CYP27C1: variants seen among roughly 807,000 people sequenced by gnomAD.
CYP27C1 encodes the protein cytochrome P450 27C1.
CYP27C1 carries 29 observed loss-of-function variants against 40.6 expected under a neutral mutation model. That is an observed-to-expected ratio of 0.71 (90% CI 0.53 to 0.97). CYP27C1 has a LOEUF of 0.97. Among genes scored for constraint, CYP27C1 ranks in the 50% least tolerant of loss-of-function variants. The pLI is 0.00. For missense variants in CYP27C1, 390 were observed against 485.8 expected (o/e 0.80, Z 1.85); for synonymous variants, 198 against 186.8 (o/e 1.06, Z -0.49).
At chr2:127,192,819 C>T (rs1391122877) in intron 8 of CYP27C1, among the ~76,000 whole-genome samples, 1 of 62,160 alleles carries the variant, frequency 1.6e-5, no homozygotes, top group South Asian at 3.6e-4. Context: ...TCATGCAGAG[C>T]TCTTATTTTT....
intron 1 of CYP27C1, among the ~76,000 whole-genome samples, chr2:127,214,913 G>T (rs1338582276): frequency 6.6e-6 from 1 of 150,518 alleles, no homozygotes; most frequent in East Asian, 2.0e-4. Context: ...CAGATCACGA[G>T]GTCAGGAGAT....
chr2:127,193,086 C>A lies in CYP27C1; in HGVS notation c.1497+8G>T, dbSNP rs374495593. On this transcript the variant is annotated splice_region_variant and intron_variant, in intron 8 of 8. Coordinates refer to ENST00000664447, the MANE Select transcript of CYP27C1 (RefSeq NM_001367502.1). ...CCCAAAGGCCAACGTTTGGCCTCCACGCCCTACCTGGATCACGACGAGGTG... is the reference window on the plus strand; with the variant it reads ...CCCAAAGGCCAACGTTTGGCCTCCAAGCCCTACCTGGATCACGACGAGGTG... 14 of 1,613,842 alleles carry A rather than the reference C, an allele frequency of 8.7e-6. No homozygotes were observed. The highest frequency in any genetic ancestry group is 4.5e-5 in the East Asian group (2 of 44,890).
At chr2:127,193,421 C>T (rs4321325) in intron 7 of CYP27C1, 124 bp from the exon 8 acceptor site, 220,750 of 1,093,934 alleles carry the variant, frequency 0.2, 24,564 homozygotes, top group Middle Eastern at 0.29. Flanking sequence ...CCCGGGTCCA[C>T]TCACACCCAG....
At chr2:127,190,073 T>C (rs765227622) in intron 8 of CYP27C1, among the ~76,000 whole-genome samples, 41 of 152,228 alleles carry the variant, frequency 2.7e-4, no homozygotes, top group Non-Finnish European at 5.4e-4. Context: ...AGGTTCAGGA[T>C]AATTTAGGGG....
chr2:127,214,972 CA>C (rs542154090), intron 1 of CYP27C1, among the ~76,000 whole-genome samples: 1 of 151,300 alleles, frequency 6.6e-6, no homozygotes, highest in African/African-American at 2.4e-5. Flanking sequence ...ACTAAAAATA[CA>C]AAAAAATTAG....
Position 127,218,340 on chromosome 2 carries a change from G to A in CYP27C1, c.282+1649C>T, listed in dbSNP as rs1248106879. Among the ~76,000 whole-genome samples, 1 of 152,268 alleles carries A rather than the reference G, an allele frequency of 6.6e-6. No individual in the cohort carries two copies. Among genetic ancestry groups the A allele is most frequent in the East Asian group, 1.9e-4 (1 of 5,184 alleles). On this transcript the variant is annotated intron_variant, in intron 1 of 8. Transcript: ENST00000664447. This position sits in a 1 kb window ranked among gnomAD's most constrained non-coding sequence, Gnocchi z 6.0. ...AAATTAAATTACACTTCAGAAAGCA[G>A]GCTGTATTGAACCCATCAACAGCAA...
intron 8 of CYP27C1, among the ~76,000 whole-genome samples, chr2:127,190,880 G>A (rs1682755670): frequency 6.7e-6 from 1 of 149,282 alleles, no homozygotes; most frequent in African/African-American, 2.5e-5. Context: ...CCGGGAGACA[G>A]AGTTGCAGCG....
chr2:127,193,056 C>T (rs201707003), intron 8 of CYP27C1, 38 bp downstream of exon 8: 233 of 1,609,318 alleles, frequency 1.4e-4, no homozygotes, highest in Non-Finnish European at 5.4e-5. Flanking sequence ...TAGAAAGAGG[C>T]CGAACCCAAA....
intron 3 of CYP27C1, among the ~76,000 whole-genome samples, chr2:127,202,765 A>C (rs1454500838): frequency 6.6e-6 from 1 of 152,068 alleles, no homozygotes; most frequent in Non-Finnish European, 1.5e-5. Context: ...TGAACATGTA[A>C]ATTAGTAATT....
chr2:127,190,154 T>C (rs1481517076), intron 8 of CYP27C1, among the ~76,000 whole-genome samples: 4 of 152,168 alleles, frequency 2.6e-5, no homozygotes, highest in African/African-American at 7.2e-5. Context: ...TCTGTTCTCT[T>C]TCATTTGAGT....
In CYP27C1 at chr2:127,220,157, C is replaced by T. The variant is rs1433828448; in HGVS notation, c.114G>A (p.Pro38=). 6.7e-6 allele frequency: 1 copy of T among 149,578 alleles called. No homozygotes were observed. Among genetic ancestry groups the T allele is most frequent in the Non-Finnish European group, 1.5e-5 (1 of 67,192 alleles). The allele number at this position is 149,578 out of a possible 1,614,324, so 9.3% of individuals were successfully genotyped here. A position where few individuals can be genotyped will look rare whatever the true frequency, so the allele number is the denominator to read the frequency against. Reference sequence around the variant, plus strand: ...CTTTGTCCTCGGCCCGCGCCCCCGCCGGGAGCCGTGCGCCCGCGGGTTGAG... The same window carrying T: ...CTTTGTCCTCGGCCCGCGCCCCCGCTGGGAGCCGTGCGCCCGCGGGTTGAG... ...RRPQPAGARL[P]AGARAEDKGA... Residue 38 remains proline, a synonymous_variant, in exon 1 of 9, where the codon CCG becomes CCA. Transcript: ENST00000664447. The surrounding 1 kb of genome is among the most constrained non-coding windows in gnomAD (Gnocchi z 4.6).
intron 8 of CYP27C1, 91 bp downstream of exon 8, chr2:127,193,003 T>C: frequency 6.7e-7 from 1 of 1,498,498 alleles, no homozygotes; most frequent in Non-Finnish European, 9.0e-7. Context: ...TCCAAAACCG[T>C]CTTTGCTTTT....
chr2:127,200,465 C>A lies in CYP27C1; in HGVS notation c.883+657G>T, dbSNP rs11890243. Among the ~76,000 whole-genome samples the A allele has an allele frequency of 0.74, 112,221 of 152,132 alleles. 41,629 individuals carry two copies. The highest frequency in any genetic ancestry group is 0.91 in the East Asian group (4,726 of 5,186). ...CACCTTGGATTTGAACAAAAATTGT[C>A]ACATTCAAATGAATGTGCGTGGACC... On this transcript the variant is annotated intron_variant, in intron 4 of 8. Transcript: ENST00000664447. The surrounding 1 kb of genome is among the most constrained non-coding windows in gnomAD (Gnocchi z 4.2).
rs1005690864 is a variant in CYP27C1 at position 127,196,207 on chromosome 2, C to T, written c.1048-706G>A. Among the ~76,000 whole-genome samples, 4 of 151,966 alleles carry T rather than the reference C, an allele frequency of 2.6e-5. No individual in the cohort carries two copies. The highest frequency in any genetic ancestry group is 6.6e-5 in the Admixed American group (1 of 15,248). On this transcript the variant is annotated intron_variant, in intron 5 of 8. Transcript: ENST00000664447. This position sits in a 1 kb window ranked among gnomAD's most constrained non-coding sequence, Gnocchi z 4.5. ...CCTCCCGAGTAGCTGGGACTACAGG[C>T]GCTCACCACCACGCCCGGCTAATTT... is the stretch of plus-strand genomic sequence containing the variant.
intron 8 of CYP27C1, among the ~76,000 whole-genome samples, chr2:127,192,808 A>T (rs4997013): frequency 0.73 from 110,770 of 151,818 alleles, 40,707 homozygotes; most frequent in African/African-American, 0.82. Context: ...TTCAAAGGAT[A>T]TCATGCAGAG....
At chr2:127,199,333 G>T in intron 5 of CYP27C1, 43 bp downstream of exon 5, 1 of 1,604,176 alleles carries the variant, frequency 6.2e-7, no homozygotes. Flanking sequence ...TGAGGAAGGG[G>T]TTATCGTGTG....
intron 8 of CYP27C1, among the ~76,000 whole-genome samples, chr2:127,188,168 C>T (rs1245894746): frequency 6.6e-6 from 1 of 152,186 alleles, no homozygotes; most frequent in African/African-American, 2.4e-5. Flanking sequence ...GGCAGATGAG[C>T]TGGCAATACC....
rs556056154 is a variant in CYP27C1, at chr2:127,196,101, C to T, written c.1048-600G>A. On this transcript the variant is annotated intron_variant, in intron 5 of 8. Transcript: ENST00000664447. This position sits in a 1 kb window ranked among gnomAD's most constrained non-coding sequence, Gnocchi z 4.5. ...TTTTTGAGACGGAGTCTCGCTCTGT[C>T]GCCCAGGCTGGAATGCAGTGACGCG... 2.0e-5 allele frequency among the ~76,000 whole-genome samples: 3 copies of T among 151,538 alleles called. No homozygotes were observed. Among genetic ancestry groups the T allele is most frequent in the African/African-American group, 4.9e-5 (2 of 41,188 alleles).
intron 4 of CYP27C1, 124 bp from the exon 5 acceptor site, chr2:127,199,663 C>T (rs1344565682): frequency 7.6e-6 from 7 of 922,114 alleles, no homozygotes; most frequent in Middle Eastern, 2.3e-4. Flanking sequence ...GGTAAGGAAA[C>T]CCAATTTATC....
Sources: allele counts gnomAD v4.1 joint callset (sites outside exome capture counted in the v4.1 genomes callset), GRCh38; gene constraint gnomAD v4.1.1; non-coding constraint Gnocchi (gnomAD v3.1); transcripts MANE v1.5; gene names NCBI Gene and HGNC (gene_info 2026-07-23, HGNC 2026-07-21).